VWC2L: variants seen among roughly 807,000 people sequenced by gnomAD.
VWC2L encodes the protein von Willebrand factor C domain-containing protein 2-like.
A neutral mutation model predicts 21.6 loss-of-function variants in VWC2L; 10 were observed. That is an observed-to-expected ratio of 0.46 (90% CI 0.29 to 0.78). The LOEUF (loss-of-function observed/expected upper bound fraction) is 0.78. Ranked by LOEUF, VWC2L falls within the 30% of genes least tolerant of loss-of-function variation. The pLI is 0.10. For missense variants in VWC2L, 209 were observed against 277.1 expected, an observed-to-expected ratio of 0.75 and a Z score of 1.74; for synonymous variants, 96 against 94.3, an observed-to-expected ratio of 1.02 and a Z score of -0.10.
At chr2:214,422,312 T>TGC (rs1301287004) in intron 2 of VWC2L, among the ~76,000 whole-genome samples, 2 of 152,010 alleles carry the variant, frequency 1.3e-5, no homozygotes, top group African/African-American at 4.8e-5. Flanking sequence ...TGTGTGTGTG[T>TGC]GTGTGTGTGT....
intron 3 of VWC2L, among the ~76,000 whole-genome samples, chr2:214,570,011 C>T (rs1690126782): frequency 6.6e-6 from 1 of 152,028 alleles, no homozygotes; most frequent in East Asian, 1.9e-4. Flanking sequence ...CTTAATACCA[C>T]AAATATGACA....
At chr2:214,474,704 T>C (rs2126194491) in intron 3 of VWC2L, among the ~76,000 whole-genome samples, 1 of 152,234 alleles carries the variant, frequency 6.6e-6, no homozygotes, top group East Asian at 1.9e-4. Flanking sequence ...GCTCTTTATT[T>C]TCCCAGCAAC....
intron 3 of VWC2L, among the ~76,000 whole-genome samples, chr2:214,508,166 C>T (rs998079053): frequency 6.6e-6 from 1 of 151,928 alleles, no homozygotes; most frequent in Non-Finnish European, 1.5e-5. Flanking sequence ...TTAGTAGAGA[C>T]GGGGTTTTAC....
At chr2:214,550,614 C>T (rs567760357) in intron 3 of VWC2L, among the ~76,000 whole-genome samples, 16 of 152,250 alleles carry the variant, frequency 1.1e-4, no homozygotes, top group African/African-American at 3.6e-4. Flanking sequence ...AGTGTCTTCC[C>T]CTGCCTCATT....
chr2:214,573,432 T>C (rs1372602199), intron 3 of VWC2L, among the ~76,000 whole-genome samples: 1 of 152,170 alleles, frequency 6.6e-6, no homozygotes, highest in Non-Finnish European at 1.5e-5. Flanking sequence ...AAGTATACAA[T>C]TGGGGTAAAC....
chr2:214,416,252 A>G (rs1702353316), intron 2 of VWC2L, among the ~76,000 whole-genome samples: 1 of 152,084 alleles, frequency 6.6e-6, no homozygotes, highest in Non-Finnish European at 1.5e-5. Context: ...CCCTCTATTT[A>G]TTAGATTTTA....
At chr2:214,572,422 G>C (rs1487559583) in intron 3 of VWC2L, among the ~76,000 whole-genome samples, 1 of 151,932 alleles carries the variant, frequency 6.6e-6, no homozygotes, top group Non-Finnish European at 1.5e-5. Context: ...CTCCCCTCTG[G>C]AGTCTCTCCA....
chr2:214,441,467 AT>A (rs936836465), intron 3 of VWC2L, among the ~76,000 whole-genome samples: 2 of 152,146 alleles, frequency 1.3e-5, no homozygotes, highest in Non-Finnish European at 2.9e-5. Context: ...TGGGATGTCA[AT>A]TTTTTATTGA....
chr2:214,560,674 T>G (rs1351886382), intron 3 of VWC2L, among the ~76,000 whole-genome samples: 2 of 152,214 alleles, frequency 1.3e-5, no homozygotes, highest in African/African-American at 4.8e-5. Context: ...ATCCCAAAGA[T>G]AAATATATAC....
At chr2:214,506,231 A>T (rs561537766) in intron 3 of VWC2L, among the ~76,000 whole-genome samples, 1 of 152,216 alleles carries the variant, frequency 6.6e-6, no homozygotes, top group South Asian at 2.1e-4. Flanking sequence ...AGTAGAAATC[A>T]AACAAGTATA....
chr2:214,453,204 G>A (rs746338943), intron 3 of VWC2L, among the ~76,000 whole-genome samples: 7 of 151,954 alleles, frequency 4.6e-5, no homozygotes, highest in South Asian at 2.1e-4. Context: ...TTTAGTTTCA[G>A]GTTTTCATTT....
At chr2:214,424,903 A>G (rs1016168910) in intron 2 of VWC2L, among the ~76,000 whole-genome samples, 9 of 152,210 alleles carry the variant, frequency 5.9e-5, no homozygotes, top group Non-Finnish European at 1.0e-4. Context: ...ACAAAAGACA[A>G]TTTAGTTGAA....
At chr2:214,420,411 A>T (rs1469764272) in intron 2 of VWC2L, among the ~76,000 whole-genome samples, 2 of 152,136 alleles carry the variant, frequency 1.3e-5, no homozygotes, top group African/African-American at 4.8e-5. Flanking sequence ...GGCTGTAGAG[A>T]TATCTCAGTT....
In VWC2L at chr2:214,414,338, C is replaced by T; in HGVS notation, c.145C>T (p.Arg49Ter). 6.2e-7 allele frequency: 1 copy of T among 1,613,702 alleles called. No individual in the cohort carries two copies. Residue 49 changes from arginine to a stop codon, truncating the protein, a stop_gained, in exon 2 of 4, where the codon CGA (arginine) becomes TGA (stop). Coordinates refer to ENST00000312504, the MANE Select transcript of VWC2L (RefSeq NM_001080500.4). LOFTEE classifies it high-confidence loss of function. The stretch of plus-strand genomic sequence containing the variant: ...TGACAATCTGATCTTTGATGACTAT[C>T]GAGGGAAAGGGTGTGTCGATGACAG... ...SNDNLIFDDY[R>*]GKGCVDDSGF... is the part of the protein sequence containing the mutation.
chr2:214,480,760 C>G (rs10164805), intron 3 of VWC2L, among the ~76,000 whole-genome samples: 3 of 151,230 alleles, frequency 2.0e-5, no homozygotes, highest in Non-Finnish European at 4.4e-5. Flanking sequence ...TAAAGTACAT[C>G]CCATTTGTCT....
In VWC2L at chr2:214,516,210, C is replaced by T. The variant is rs79680362; in HGVS notation, c.521-59462C>T. On this transcript the variant is annotated intron_variant, in intron 3 of 3. Transcript: ENST00000312504. ...CTACAAACCAGGGCTCCCTCCCACC[C>T]GCTGCATAGACCTTGATCAACACAT... Among the ~76,000 whole-genome samples the T allele has an allele frequency of 2.2e-3, 331 of 151,998 alleles. 2 individuals are homozygous for T. Among genetic ancestry groups the T allele is most frequent in the African/African-American group, 7.5e-3 (312 of 41,460 alleles).
At chr2:214,562,584 G>A (rs1054724709) in intron 3 of VWC2L, among the ~76,000 whole-genome samples, 4 of 152,166 alleles carry the variant, frequency 2.6e-5, no homozygotes, top group Admixed American at 2.0e-4. Flanking sequence ...TTCCACAGTG[G>A]TCAAACTTAT....
In VWC2L at chr2:214,575,837, A is replaced by C; in HGVS notation, c.*17A>C. 1 of 1,608,266 alleles carries C rather than the reference A, an allele frequency of 6.2e-7. No homozygotes were observed. Among genetic ancestry groups the C allele is most frequent in the Non-Finnish European group, 8.5e-7 (1 of 1,175,610 alleles). On this transcript the variant is annotated 3_prime_UTR_variant, in exon 4 of 4. Coordinates refer to ENST00000312504, the MANE Select transcript of VWC2L (RefSeq NM_001080500.4). ...ACTGTGTAGGACAAACTTCCACCCA[A>C]TGATGAGTTCTTAGGAAAGGATGCT...
chr2:214,501,783 CTTG>C lies in VWC2L; in HGVS notation c.520+65026_520+65028del, dbSNP rs1688896095. 2.0e-5 allele frequency among the ~76,000 whole-genome samples: 3 copies of C among 150,380 alleles called. No homozygotes were observed. In the South Asian group the frequency reaches 6.4e-4, roughly 32 times the overall value. On this transcript the variant is annotated intron_variant, in intron 3 of 3. Coordinates refer to ENST00000312504, the MANE Select transcript of VWC2L (RefSeq NM_001080500.4). ...CTAGGCCTAGGCCTTAAAAAGGCTA[CTTG>C]CTGCTGCCATTGCTCTCTTGGGATC...
Sources: allele counts gnomAD v4.1 joint callset (sites outside exome capture counted in the v4.1 genomes callset), GRCh38; gene constraint gnomAD v4.1.1; transcripts MANE v1.5; gene names NCBI Gene and HGNC (gene_info 2026-07-23, HGNC 2026-07-21).